WDR11: variants seen among roughly 807,000 people sequenced by gnomAD.
WDR11 encodes the protein WD repeat-containing protein 11.
In WDR11, 83 loss-of-function variants were observed where a neutral mutation model predicts 151.2. That is an observed-to-expected ratio of 0.55 (90% confidence interval 0.46 to 0.66). The LOEUF (loss-of-function observed/expected upper bound fraction) is 0.66, where lower values mean the gene tolerates loss of function less well. Among genes scored for constraint, WDR11 ranks in the 30% least tolerant of loss-of-function variants. The pLI is 0.00. For missense variants in WDR11, 1,301 were observed against 1,480.9 expected, an observed-to-expected ratio of 0.88 and a Z score of 1.99; for synonymous variants, 484 against 533.1, an observed-to-expected ratio of 0.91 and a Z score of 1.27.
chr10:120,859,517 T>G (rs1846064241), intron 3 of WDR11, among the ~76,000 whole-genome samples: 1 of 152,088 alleles, frequency 6.6e-6, no homozygotes. Context: ...TCCACCTGCC[T>G]CGTCCTCCCA....
chr10:120,851,642 C>CT, intron 1 of WDR11, 136 bp downstream of exon 1: 2 of 1,045,438 alleles, frequency 1.9e-6, no homozygotes, highest in South Asian at 2.8e-5. Flanking sequence ...AATGAGCTTG[C>CT]TTTCAGTTGG....
chr10:120,865,819 G>A, intron 7 of WDR11, 75 bp downstream of exon 7: 2 of 998,114 alleles, frequency 2.0e-6, no homozygotes, highest in Non-Finnish European at 3.1e-6. Flanking sequence ...GCAAATACCA[G>A]CCAAGGTATA....
intron 10 of WDR11, among the ~76,000 whole-genome samples, chr10:120,871,849 G>T (rs1398865930): frequency 6.6e-6 from 1 of 152,116 alleles, no homozygotes. Flanking sequence ...GTGAAATTGT[G>T]TATTTGTATG....
At chr10:120,900,341 G>GC (rs1398502221) in intron 20 of WDR11, among the ~76,000 whole-genome samples, 1 of 151,790 alleles carries the variant, frequency 6.6e-6, no homozygotes, top group African/African-American at 2.4e-5. Flanking sequence ...AGCTGTGAGG[G>GC]CGTGTATTGC....
chr10:120,860,211 T>C lies in WDR11; in HGVS notation c.455T>C (p.Leu152Pro). The C allele has an allele frequency of 1.9e-6, 3 of 1,614,192 alleles. No homozygotes were observed. The highest frequency in any genetic ancestry group is 2.5e-6 in the Non-Finnish European group (3 of 1,180,028). Residue 152 changes from leucine (L) to proline (P), a missense_variant, in exon 4 of 29, where the codon CTA (leucine) becomes CCA (proline). By Grantham distance (98) the Leu-to-Pro change is moderately conservative. Around this residue, in one of 3 missense-constraint regions of WDR11, gnomAD observed 692 missense variants for 762.5 expected, o/e 0.91. Transcript: ENST00000263461. Reference protein sequence around the residue: ...VLWNADTGTKLWKKSYADNIL... With the variant: ...VLWNADTGTKPWKKSYADNIL... ...TGGAATGCCGACACTGGCACCAAAC[T>C]ATGGAAGAAGAGCTATGCAGATAAC...
Position 120,901,055 on chromosome 10 carries a change from G to C in WDR11, c.2644G>C (p.Glu882Gln). The part of the protein sequence containing the change: ...ISHVDYPENE[E>Q]IKNLLQEQLN... ...TTACAGTGACTATCCAGAAAATGAA[G>C]AAATAAAGAATCTCCTCCAAGAACA... is the stretch of plus-strand genomic sequence containing the variant. The change falls in exon 21 of 29, where the codon GAA (glutamate) becomes CAA (glutamine). Residue 882 changes from glutamate to glutamine, a missense_variant. Glu to Gln is a conservative substitution (Grantham distance 29). Coordinates refer to ENST00000263461, the MANE Select transcript of WDR11 (RefSeq NM_018117.12). 1.2e-6 allele frequency: 2 copies of C among 1,612,634 alleles called. No homozygotes were observed. Among genetic ancestry groups the C allele is most frequent in the African/African-American group, 2.7e-5 (2 of 74,992 alleles).
intron 2 of WDR11, among the ~76,000 whole-genome samples, chr10:120,853,555 G>A (rs1332347030): frequency 1.3e-5 from 2 of 152,112 alleles, no homozygotes; most frequent in Non-Finnish European, 2.9e-5. Context: ...GTGAGTCACC[G>A]CGCCCAGCAG....
At chr10:120,868,873 A>C (rs12258778) in intron 9 of WDR11, 4 of 151,994 alleles carry the variant, frequency 2.6e-5, no homozygotes, top group African/African-American at 9.7e-5. Context: ...TCTCTCCACT[A>C]TCTATTCTAC....
intron 7 of WDR11, 85 bp from the exon 8 acceptor site, chr10:120,866,484 T>C (rs980091077): frequency 6.6e-7 from 1 of 1,515,052 alleles, no homozygotes; most frequent in African/African-American, 1.4e-5. Context: ...TGCCCAAATT[T>C]AGTTGAGGTT....
intron 2 of WDR11, among the ~76,000 whole-genome samples, chr10:120,857,421 A>G (rs1845986173): frequency 6.6e-6 from 1 of 152,226 alleles, no homozygotes; most frequent in African/African-American, 2.4e-5. Context: ...GAATCTATAA[A>G]TAACTAGAAT....
Position 120,873,824 on chromosome 10 carries a change from A to G in WDR11, c.1472-15A>G. On this transcript the variant is annotated splice_polypyrimidine_tract_variant and intron_variant, in intron 10 of 28. Transcript: ENST00000263461. ...CCCACTGAATTAATGCTCTTCCATG[A>G]TGTCATTTTGAAAGGTACAAGTAAT... 5 of 1,584,182 alleles carry G rather than the reference A, an allele frequency of 3.2e-6. No individual in the cohort carries two copies. Among genetic ancestry groups the G allele is most frequent in the Non-Finnish European group, 4.3e-6 (5 of 1,152,816 alleles).
At chr10:120,890,507 C>A (rs919634642) in intron 18 of WDR11, among the ~76,000 whole-genome samples, 1 of 152,186 alleles carries the variant, frequency 6.6e-6, no homozygotes, top group Non-Finnish European at 1.5e-5. Flanking sequence ...AGCCACCGCG[C>A]CCAGCCGATT....
intron 2 of WDR11, among the ~76,000 whole-genome samples, chr10:120,857,864 G>C (rs913547416): frequency 1.3e-5 from 2 of 152,168 alleles, no homozygotes; most frequent in Admixed American, 1.3e-4. Flanking sequence ...GGAACTTACA[G>C]TTGATGGACT....
chr10:120,890,121 CAA>C (rs1278303397), intron 18 of WDR11, 112 bp downstream of exon 18: 2 of 724,654 alleles, frequency 2.8e-6, no homozygotes, highest in African/African-American at 1.8e-5. Flanking sequence ...ATGAGTTCGT[CAA>C]GTTTCCCATA....
chr10:120,858,674 A>G lies in WDR11; in HGVS notation c.230A>G (p.Asn77Ser), dbSNP rs1590056021. The change falls in exon 3 of 29, where the codon AAC becomes AGC. Residue 77 changes from asparagine (N) to serine (S), a missense_variant. By Grantham distance (46) the Asn-to-Ser change is conservative (BLOSUM62 1). This residue lies in a region of WDR11 where 692 missense variants were observed against 762.5 expected (regional missense o/e 0.91). Coordinates refer to ENST00000263461, the MANE Select transcript of WDR11 (RefSeq NM_018117.12). Reference sequence around the variant, plus strand: ...TGGGCCAGGGAAAACTATCACCATAACATTGGCTCACCATATTGCTTACGG... The same window carrying G: ...TGGGCCAGGGAAAACTATCACCATAGCATTGGCTCACCATATTGCTTACGG... ...VKWARENYHH[N>S]IGSPYCLRLA... The G allele has an allele frequency of 6.2e-7, 1 of 1,614,228 alleles. No individual in the cohort carries two copies. Among genetic ancestry groups the G allele is most frequent in the South Asian group, 1.1e-5 (1 of 91,082 alleles).
chr10:120,870,491 A>G (rs2133755188), intron 9 of WDR11, among the ~76,000 whole-genome samples: 1 of 152,316 alleles, frequency 6.6e-6, no homozygotes. Flanking sequence ...TATTGGAGTC[A>G]TCTTTTTAGT....
intron 16 of WDR11, among the ~76,000 whole-genome samples, chr10:120,887,738 C>T (rs998271263): frequency 3.3e-5 from 5 of 152,156 alleles, no homozygotes; most frequent in African/African-American, 9.7e-5. Context: ...GCTTGAGTGT[C>T]CTCACGACAT....
chr10:120,909,401 T>C lies in WDR11; in HGVS notation c.*688T>C, dbSNP rs1222723171. On this transcript the variant is annotated 3_prime_UTR_variant, in exon 29 of 29. Transcript: ENST00000263461. ...GTAACCTCATTTTTGAAGTCTTTCTTTGTACTTTAATGTTCTCTCTGTTCT... is the reference window on the plus strand; with the variant it reads ...GTAACCTCATTTTTGAAGTCTTTCTCTGTACTTTAATGTTCTCTCTGTTCT... 6.5e-6 allele frequency: 1 copy of C among 152,946 alleles called. No homozygotes were observed. The highest frequency in any genetic ancestry group is 1.5e-5 in the Non-Finnish European group (1 of 68,262). The allele number at this position is 152,946 out of a possible 1,614,324, so 9.5% of individuals were successfully genotyped here.
chr10:120,878,257 A>G lies in WDR11; in HGVS notation c.1557-96A>G, dbSNP rs2133770881. Reference sequence around the variant, plus strand: ...TTACTTTTTAATTAATTTGTGTAATAAAATTTAGGTCTTTGGAAAACTTAT... The same window carrying G: ...TTACTTTTTAATTAATTTGTGTAATGAAATTTAGGTCTTTGGAAAACTTAT... On this transcript the variant is annotated intron_variant, in intron 11 of 28. Transcript: ENST00000263461. 3 of 924,598 alleles carry G rather than the reference A, an allele frequency of 3.2e-6. No individual in the cohort carries two copies. In the Admixed American group the frequency reaches 6.5e-5, roughly 20 times the overall value. 57.3% of individuals were successfully genotyped at this position (924,598 alleles called of 1,614,324 possible). A position where few individuals can be genotyped will look rare whatever the true frequency, so the allele number is the denominator to read the frequency against.
Sources: allele counts gnomAD v4.1 joint callset (sites outside exome capture counted in the v4.1 genomes callset), GRCh38; gene constraint gnomAD v4.1.1; regional missense constraint gnomAD v4.1.1; transcripts MANE v1.5; gene names NCBI Gene and HGNC (gene_info 2026-07-23, HGNC 2026-07-21).